ATG5: variants seen among roughly 807,000 people sequenced by gnomAD.
The protein encoded by ATG5 is autophagy protein 5.
A neutral mutation model predicts 36.5 loss-of-function variants in ATG5; 14 were observed. That is an observed-to-expected ratio of 0.38 (90% CI 0.25 to 0.60). ATG5 has a LOEUF of 0.60. ATG5 is among the 20% of genes least tolerant of loss of function. The probability of loss-of-function intolerance (pLI) is 0.60; values close to 1 mark genes in which losing one functional copy is unlikely to be tolerated. For missense variants in ATG5, 195 were observed against 326.7 expected (o/e 0.60, Z 3.11); for synonymous variants, 95 against 101.5 (o/e 0.94, Z 0.38).
intron 5 of ATG5, among the ~76,000 whole-genome samples, chr6:106,278,087 T>A (rs1034710555): frequency 2.0e-5 from 3 of 152,018 alleles, no homozygotes; most frequent in African/African-American, 7.2e-5. Context: ...TGTCGGCACA[T>A]GCGACCATGC....
chr6:106,320,842 C>T (rs58338789), intron 1 of ATG5, among the ~76,000 whole-genome samples: 1 of 152,128 alleles, frequency 6.6e-6, no homozygotes, highest in Non-Finnish European at 1.5e-5. Context: ...AAAATAAAAA[C>T]AATTATCTGG....
At chr6:106,201,422 T>C (rs1419396754) in intron 7 of ATG5, among the ~76,000 whole-genome samples, 1 of 152,172 alleles carries the variant, frequency 6.6e-6, no homozygotes, top group Non-Finnish European at 1.5e-5. Flanking sequence ...TTTTAAAATT[T>C]GTCCCTTGCT....
intron 6 of ATG5, among the ~76,000 whole-genome samples, chr6:106,222,979 ATAT>A: frequency 6.6e-6 from 1 of 152,288 alleles, no homozygotes; most frequent in South Asian, 2.1e-4. Context: ...AATCTTAAAA[ATAT>A]TGAATAAAAC....
chr6:106,283,838 T>A (rs1206949920), intron 4 of ATG5: 1 of 152,274 alleles, frequency 6.6e-6, no homozygotes, highest in Non-Finnish European at 1.5e-5. Context: ...TTATTTCTTA[T>A]GTCGGTTTTG....
At chr6:106,256,112 C>G (rs1195476027) in intron 5 of ATG5, among the ~76,000 whole-genome samples, 2 of 152,106 alleles carry the variant, frequency 1.3e-5, no homozygotes, top group African/African-American at 4.8e-5. Flanking sequence ...GAAAGACTGA[C>G]AAAAAGATAC....
At chr6:106,194,798 G>A (rs568271673) in intron 7 of ATG5, among the ~76,000 whole-genome samples, 96 of 152,092 alleles carry the variant, frequency 6.3e-4, no homozygotes, top group African/African-American at 2.0e-3. Flanking sequence ...AGCTTACCAC[G>A]TTGTTATACA....
At chr6:106,186,917 C>T (rs970611882) in intron 7 of ATG5, among the ~76,000 whole-genome samples, 2 of 152,164 alleles carry the variant, frequency 1.3e-5, no homozygotes, top group African/African-American at 4.8e-5. Context: ...AGTATTACTT[C>T]TTTCTTAATT....
intron 3 of ATG5, among the ~76,000 whole-genome samples, chr6:106,307,427 T>C (rs1562267795): frequency 1.3e-5 from 2 of 152,100 alleles, no homozygotes; most frequent in Admixed American, 6.5e-5. Context: ...CCAGTTTCAT[T>C]AAATATTTTT....
intron 6 of ATG5, among the ~76,000 whole-genome samples, chr6:106,229,523 A>G (rs1777590856): frequency 6.6e-6 from 1 of 152,138 alleles, no homozygotes; most frequent in Admixed American, 6.5e-5. Flanking sequence ...AGAGACAAAC[A>G]GGGAGTCAGA....
chr6:106,256,191 T>C (rs936410002), intron 5 of ATG5, among the ~76,000 whole-genome samples: 5 of 150,488 alleles, frequency 3.3e-5, no homozygotes, highest in African/African-American at 1.2e-4. Flanking sequence ...ATACAAATCC[T>C]TTATGCTTCT....
chr6:106,221,268 G>C, intron 6 of ATG5, among the ~76,000 whole-genome samples: 1 of 152,226 alleles, frequency 6.6e-6, no homozygotes, highest in East Asian at 1.9e-4. Flanking sequence ...TTTCTTCTAA[G>C]AGCTGTACAT....
chr6:106,189,529 G>A (rs1158186673), intron 7 of ATG5, among the ~76,000 whole-genome samples: 1 of 152,046 alleles, frequency 6.6e-6, no homozygotes, highest in Non-Finnish European at 1.5e-5. Flanking sequence ...GCTGAGGTGG[G>A]AGGATTGCCT....
intron 6 of ATG5, among the ~76,000 whole-genome samples, chr6:106,240,286 GTGTT>G (rs1778068906): frequency 2.0e-5 from 3 of 149,630 alleles, no homozygotes; most frequent in African/African-American, 4.9e-5. Context: ...ATTTTGCAAT[GTGTT>G]TGACGGTAAA....
chr6:106,277,124 T>C (rs1265695256), intron 5 of ATG5, among the ~76,000 whole-genome samples: 1 of 152,232 alleles, frequency 6.6e-6, no homozygotes, highest in African/African-American at 2.4e-5. Context: ...TACTTGCTCT[T>C]GATACCACAG....
At chr6:106,262,556 G>C (rs10484576) in intron 5 of ATG5, among the ~76,000 whole-genome samples, 2 of 152,022 alleles carry the variant, frequency 1.3e-5, no homozygotes, top group Non-Finnish European at 2.9e-5. Flanking sequence ...TTCCATTCTC[G>C]AGTTGATAAG....
intron 7 of ATG5, among the ~76,000 whole-genome samples, chr6:106,196,160 G>A (rs1200539316): frequency 1.3e-5 from 2 of 152,074 alleles, no homozygotes; most frequent in Admixed American, 1.3e-4. Context: ...AAAAACAGTA[G>A]ACACTCAGGT....
intron 6 of ATG5, among the ~76,000 whole-genome samples, chr6:106,222,008 C>T (rs890780299): frequency 1.3e-5 from 2 of 152,098 alleles, no homozygotes; most frequent in Non-Finnish European, 2.9e-5. Context: ...CCTTGTGCCT[C>T]AGCCTCCTGA....
At chr6:106,234,635 C>T (rs1260463300) in intron 6 of ATG5, among the ~76,000 whole-genome samples, 1 of 152,190 alleles carries the variant, frequency 6.6e-6, no homozygotes, top group African/African-American at 2.4e-5. Context: ...TATGTGCTTC[C>T]TCTCATTCTT....
At chr6:106,241,558 G>A (rs1778124384) in intron 6 of ATG5, among the ~76,000 whole-genome samples, 1 of 152,130 alleles carries the variant, frequency 6.6e-6, no homozygotes, top group Non-Finnish European at 1.5e-5. Flanking sequence ...CAATTCAACT[G>A]GGCCAGAATA....
Sources: allele counts gnomAD v4.1 joint callset (sites outside exome capture counted in the v4.1 genomes callset), GRCh38; gene constraint gnomAD v4.1.1; transcripts MANE v1.5; gene names NCBI Gene and HGNC (gene_info 2026-07-23, HGNC 2026-07-21).